DMD: variants seen among roughly 807,000 people sequenced by gnomAD.
The protein encoded by DMD is mutant dystrophin.
Under a neutral mutation model 330.1 loss-of-function variants are expected in DMD, and 63 were observed. That is an observed-to-expected ratio of 0.19 (90% CI 0.16 to 0.24). The LOEUF is 0.24. Among genes scored for constraint, DMD ranks in the 10% least tolerant of loss-of-function variants. The pLI, the probability that DMD is intolerant of heterozygous loss-of-function variation, is 1.00. For synonymous variants in DMD, 1,223 were observed against 959.8 expected, an observed-to-expected ratio of 1.27 and a Z score of -5.07; for missense variants, 3,344 against 2,684.1, an observed-to-expected ratio of 1.25 and a Z score of -5.43.
chrX:32,340,050 T>A (rs758131115), intron 41 of DMD, among the ~76,000 whole-genome samples: 1 of 111,951 alleles, frequency 8.9e-6, no homozygotes, highest in Admixed American at 9.5e-5. Flanking sequence ...CACAGTGAAA[T>A]TAGTTTTAAA....
chrX:31,347,047 AAAC>A (rs1270110029), intron 61 of DMD, among the ~76,000 whole-genome samples: 1 of 98,409 alleles, frequency 1.0e-5, no homozygotes, highest in Admixed American at 1.1e-4. Flanking sequence ...GGAAGGATGC[AAAC>A]AGTTAGGGAA....
Position 32,502,199 on chromosome X carries a change from C to T in DMD, c.2293-357G>A, listed in dbSNP as rs368408048. On this transcript the variant is annotated intron_variant, in intron 18 of 78. Coordinates refer to ENST00000357033, the MANE Select transcript of DMD (RefSeq NM_004006.3). ...AAATGAAATTTATCTTTTAAAGATA[C>T]ACCATTGAAATTACTAATAAGTATA... Among the ~76,000 whole-genome samples, 42 of 111,350 alleles carry T rather than the reference C, an allele frequency of 3.8e-4. 1 individual carries two copies. The South Asian group carries it at 0.015, about 40-fold the overall frequency.
intron 7 of DMD, among the ~76,000 whole-genome samples, chrX:32,800,971 T>G (rs1233038362): frequency 4.5e-5 from 5 of 111,485 alleles, no homozygotes; most frequent in Admixed American, 2.9e-4. Flanking sequence ...TTGGGTTGGT[T>G]TCAAGTCTTT....
chrX:31,658,232 T>C, intron 53 of DMD, 88 bp from the exon 54 acceptor site: 1 of 997,416 alleles, frequency 1.0e-6, no homozygotes, highest in South Asian at 1.9e-5. Flanking sequence ...CGTAAACAGC[T>C]TCTGAATCCT....
intron 1 of DMD, among the ~76,000 whole-genome samples, chrX:33,258,220 G>T (rs984308723): frequency 9.0e-6 from 1 of 111,322 alleles, no homozygotes. Flanking sequence ...GTGGTAGTTT[G>T]AACTGTGAGT....
intron 13 of DMD, among the ~76,000 whole-genome samples, chrX:32,575,982 ATAATTTAT>A (rs1161594025): frequency 8.9e-6 from 1 of 112,373 alleles, no homozygotes; most frequent in Non-Finnish European, 1.9e-5. Flanking sequence ...GTGGAAATGT[ATAATTTAT>A]TAATTTTAGT....
rs766700148 is a variant in DMD, at chrX:32,641,815, A to T, written c.1331+2317T>A. On this transcript the variant is annotated intron_variant, in intron 11 of 78. Transcript: ENST00000357033. ...CAAACCCTGTCTTAGGTAGAGAGAG[A>T]AAAGAAGTATCGATGAATCCATTTT... is the stretch of plus-strand genomic sequence containing the variant. Among the ~76,000 whole-genome samples, 3 of 110,930 alleles carry T rather than the reference A, an allele frequency of 2.7e-5. No homozygotes were observed. In the East Asian group the frequency reaches 8.6e-4, roughly 32 times the overall value.
rs755535008 is a variant in DMD, at chrX:31,456,882, A to G, written c.8938-12255T>C. ...TGTGTGTGTGTGTGTGTGTGTATAT[A>G]TATATATATTATATACCTATCATCC... On this transcript the variant is annotated intron_variant, in intron 59 of 78. Coordinates refer to ENST00000357033, the MANE Select transcript of DMD (RefSeq NM_004006.3). 9.0e-3 allele frequency among the ~76,000 whole-genome samples: 824 copies of G among 91,846 alleles called. 6 individuals are homozygous for G. The highest frequency in any genetic ancestry group is 0.038 in the African/African-American group (795 of 20,999). 79.8% of individuals were successfully genotyped at this position (91,846 alleles called of 115,157 possible). A position where few individuals can be genotyped will look rare whatever the true frequency, so the allele number is the denominator to read the frequency against.
chrX:32,556,861 ATATT>A, intron 16 of DMD, among the ~76,000 whole-genome samples: 1 of 111,915 alleles, frequency 8.9e-6, no homozygotes, highest in Non-Finnish European at 1.9e-5. Context: ...TAGTATTTGA[ATATT>A]TAGATACTTA....
chrX:33,314,327 G>A (rs765130447), intron 1 of DMD, among the ~76,000 whole-genome samples: 4 of 109,112 alleles, frequency 3.7e-5, no homozygotes, highest in South Asian at 4.0e-4. Flanking sequence ...GCACGATCTC[G>A]GCTCACTGCA....
intron 1 of DMD, among the ~76,000 whole-genome samples, chrX:33,314,214 A>C (rs967195580): frequency 1.8e-5 from 2 of 111,004 alleles, no homozygotes; most frequent in Non-Finnish European, 3.8e-5. Flanking sequence ...CTCATATAAT[A>C]AATTACCATG....
intron 34 of DMD, among the ~76,000 whole-genome samples, chrX:32,376,230 G>A (rs1012669416): frequency 9.0e-6 from 1 of 111,640 alleles, no homozygotes; most frequent in African/African-American, 3.3e-5. Context: ...AGCCGAGATC[G>A]GGCCATTGCA....
chrX:31,597,772 TTAA>T (rs1412997836), intron 55 of DMD, among the ~76,000 whole-genome samples: 2 of 112,025 alleles, frequency 1.8e-5, no homozygotes, highest in African/African-American at 6.5e-5. Context: ...ATTGTTAGTA[TTAA>T]TAATAACTCC....
intron 44 of DMD, among the ~76,000 whole-genome samples, chrX:32,053,647 C>G (rs943134551): frequency 6.3e-5 from 7 of 111,024 alleles, no homozygotes; most frequent in Non-Finnish European, 1.3e-4. Flanking sequence ...GTCACTATGC[C>G]TTTGTTCCCT....
intron 9 of DMD, among the ~76,000 whole-genome samples, chrX:32,658,534 CTA>C (rs2060737116): frequency 9.0e-6 from 1 of 111,388 alleles, no homozygotes; most frequent in African/African-American, 3.3e-5. Flanking sequence ...GGTAGCAAGT[CTA>C]TTTTCACCCT....
intron 37 of DMD, among the ~76,000 whole-genome samples, chrX:32,356,944 C>A (rs770917653): frequency 2.2e-4 from 24 of 111,226 alleles, no homozygotes; most frequent in Non-Finnish European, 1.1e-4. Flanking sequence ...GGCTGGGGTG[C>A]AGTGGTGCGA....
At chrX:33,073,557 G>C (rs1180298337) in intron 1 of DMD, among the ~76,000 whole-genome samples, 1 of 111,558 alleles carries the variant, frequency 9.0e-6, no homozygotes, top group Admixed American at 9.6e-5. Context: ...GCAGGTGGGC[G>C]TGGTGGCTCA....
intron 12 of DMD, among the ~76,000 whole-genome samples, chrX:32,605,910 G>T (rs761395712): frequency 9.1e-6 from 1 of 109,534 alleles, no homozygotes; most frequent in Non-Finnish European, 1.9e-5. Flanking sequence ...AAATTTGTGG[G>T]TACAGAGTAG....
intron 45 of DMD, among the ~76,000 whole-genome samples, chrX:31,933,644 ACAAC>A (rs1004387662): frequency 1.8e-5 from 2 of 111,875 alleles, no homozygotes. Flanking sequence ...AACACACTGT[ACAAC>A]CAGAGAAGGA....
Sources: allele counts gnomAD v4.1 joint callset (sites outside exome capture counted in the v4.1 genomes callset), GRCh38; gene constraint gnomAD v4.1.1; transcripts MANE v1.5; gene names NCBI Gene and HGNC (gene_info 2026-07-23, HGNC 2026-07-21).